RYR3: variants seen among roughly 807,000 people sequenced by gnomAD.
RYR3 encodes brain ryanodine receptor-calcium release channel.
A neutral mutation model predicts 584.3 loss-of-function variants in RYR3; 207 were observed. That is an observed-to-expected ratio of 0.35 (90% CI 0.32 to 0.40). The LOEUF (loss-of-function observed/expected upper bound fraction) is 0.40. Among genes scored for constraint, RYR3 ranks in the 10% least tolerant of loss-of-function variants. RYR3 has a pLI of 1.00. For missense variants in RYR3, 5,616 were observed against 6,089.2 expected, an observed-to-expected ratio of 0.92 and a Z score of 2.59; for synonymous variants, 2,416 against 2,248.5, an observed-to-expected ratio of 1.07 and a Z score of -2.11.
intron 10 of RYR3, among the ~76,000 whole-genome samples, chr15:33,557,554 T>TAG: frequency 6.6e-6 from 1 of 152,248 alleles, no homozygotes; most frequent in African/African-American, 2.4e-5. Context: ...CCAGCTAATT[T>TAG]TTGTATTTTT....
chr15:33,862,688 G>A (rs77449798), intron 102 of RYR3, among the ~76,000 whole-genome samples: 4,796 of 151,946 alleles, frequency 0.032, 209 homozygotes, highest in East Asian at 0.25. Flanking sequence ...TTGGCTCACT[G>A]TAGCCTCCAC....
intron 1 of RYR3, among the ~76,000 whole-genome samples, chr15:33,460,539 C>G (rs1396132932): frequency 6.6e-6 from 1 of 152,186 alleles, no homozygotes; most frequent in African/African-American, 2.4e-5. Flanking sequence ...TCATACAGAA[C>G]TGGATTTACA....
rs879634134 is a variant in RYR3, at chr15:33,333,671, G to A, written c.51+22575G>A. Reference sequence around the variant, plus strand: ...CCCTCTCTCACCACTCCTATTCAGCGTAGTATTGGAAGTTCTGGCCGGGAC... The same window carrying A: ...CCCTCTCTCACCACTCCTATTCAGCATAGTATTGGAAGTTCTGGCCGGGAC... On this transcript the variant is annotated intron_variant, in intron 1 of 103. Coordinates refer to ENST00000634891, the MANE Select transcript of RYR3 (RefSeq NM_001036.6). 5.3e-5 allele frequency among the ~76,000 whole-genome samples: 8 copies of A among 152,210 alleles called. No individual in the cohort carries two copies. In the East Asian group the frequency reaches 9.7e-4, roughly 18 times the overall value.
intron 45 of RYR3, among the ~76,000 whole-genome samples, chr15:33,724,581 G>A (rs1032335269): frequency 1.3e-5 from 2 of 152,142 alleles, no homozygotes; most frequent in Non-Finnish European, 2.9e-5. Flanking sequence ...CTCTTCCTGT[G>A]GTTGGTGTTT....
chr15:33,577,547 G>A (rs111981223), intron 12 of RYR3, among the ~76,000 whole-genome samples: 3 of 152,124 alleles, frequency 2.0e-5, no homozygotes, highest in African/African-American at 7.2e-5. Context: ...AATGATGCTG[G>A]GAGAACTGGC....
chr15:33,536,725 A>G (rs2055360999), intron 5 of RYR3, among the ~76,000 whole-genome samples: 1 of 152,210 alleles, frequency 6.6e-6, no homozygotes, highest in African/African-American at 2.4e-5. Context: ...GTTTAATTGA[A>G]GTAGTACTCA....
At chr15:33,732,198 G>A (rs563134009) in intron 48 of RYR3, among the ~76,000 whole-genome samples, 5 of 151,502 alleles carry the variant, frequency 3.3e-5, no homozygotes, top group Admixed American at 6.6e-5. Context: ...TGGCTAACAC[G>A]GTGAAACCCC....
At chr15:33,717,968 A>G (rs2067625515) in intron 43 of RYR3, among the ~76,000 whole-genome samples, 2 of 152,206 alleles carry the variant, frequency 1.3e-5, no homozygotes, top group Non-Finnish European at 2.9e-5. Context: ...GGAAGGCCCT[A>G]AAAAGAAGAT....
At chr15:33,750,117 G>A (rs774531786) in intron 56 of RYR3, 46 bp from the exon 57 acceptor site, 3 of 1,607,608 alleles carry the variant, frequency 1.9e-6, no homozygotes, top group Non-Finnish European at 2.5e-6. Flanking sequence ...TCTCCCAGAA[G>A]TGCAAAGGAA....
At chr15:33,369,276 C>G (rs947829715) in intron 1 of RYR3, among the ~76,000 whole-genome samples, 2 of 152,186 alleles carry the variant, frequency 1.3e-5, no homozygotes, top group African/African-American at 4.8e-5. Context: ...GTTCTTCTCT[C>G]CTTCAAGCCC....
intron 1 of RYR3, among the ~76,000 whole-genome samples, chr15:33,465,109 T>C (rs2048378391): frequency 6.6e-6 from 1 of 152,222 alleles, no homozygotes; most frequent in Non-Finnish European, 1.5e-5. Flanking sequence ...TCACTGTGTG[T>C]GTGTGCCACA....
At chr15:33,794,133 A>AT (rs2075384849) in intron 67 of RYR3, among the ~76,000 whole-genome samples, 4 of 123,508 alleles carry the variant, frequency 3.2e-5, no homozygotes, top group East Asian at 5.0e-4. Context: ...ATATATTTAT[A>AT]TATAATATAC....
At chr15:33,355,207 A>G (rs1199898186) in intron 1 of RYR3, among the ~76,000 whole-genome samples, 1 of 150,060 alleles carries the variant, frequency 6.7e-6, no homozygotes, top group African/African-American at 2.4e-5. Context: ...AAAATCATGT[A>G]TTAGTTGGCT....
At chr15:33,488,449 CTT>C (rs72098093) in intron 2 of RYR3, among the ~76,000 whole-genome samples, 164 of 127,478 alleles carry the variant, frequency 1.3e-3, no homozygotes, top group African/African-American at 3.7e-3. Flanking sequence ...ACAGTCTTGC[CTT>C]TTTTTTTTTT....
chr15:33,676,053 AG>A (rs1044136070), intron 38 of RYR3, among the ~76,000 whole-genome samples: 5 of 152,194 alleles, frequency 3.3e-5, no homozygotes, highest in Non-Finnish European at 5.9e-5. Flanking sequence ...AAAAAAATGC[AG>A]ATGGAATTAA....
intron 67 of RYR3, among the ~76,000 whole-genome samples, chr15:33,798,096 A>ATTTATTT (rs766852988): frequency 3.4e-4 from 51 of 151,168 alleles, no homozygotes; most frequent in Non-Finnish European, 5.9e-4. Flanking sequence ...TTATTTATTT[A>ATTTATTT]TTTTTTTTGA....
intron 55 of RYR3, 128 bp downstream of exon 55, chr15:33,748,658 G>C: frequency 4.9e-6 from 4 of 810,358 alleles, no homozygotes; most frequent in Non-Finnish European, 8.1e-6. Flanking sequence ...AACTGAAGAC[G>C]GTCACCTTGT....
intron 1 of RYR3, among the ~76,000 whole-genome samples, chr15:33,337,336 T>A (rs1395146648): frequency 6.6e-6 from 1 of 152,118 alleles, no homozygotes; most frequent in African/African-American, 2.4e-5. Context: ...ATGAAAAATG[T>A]ATTACCAAGA....
In RYR3 at chr15:33,746,202, C is replaced by G. The variant is rs944212279; in HGVS notation, c.7989+45C>G. The G allele has an allele frequency of 6.8e-6, 9 of 1,327,220 alleles. No individual in the cohort carries two copies. In the Admixed American group the frequency reaches 9.7e-5, roughly 14 times the overall value. The allele number at this position is 1,327,220 out of a possible 1,614,324, so 82.2% of individuals were successfully genotyped here. A position where few individuals can be genotyped will look rare whatever the true frequency, so the allele number is the denominator to read the frequency against. ...TAACACTGTGTGACCATGCTGTTTCCTTCCTTGAGTGATTTTATCAGAGGA... is the reference window on the plus strand; with the variant it reads ...TAACACTGTGTGACCATGCTGTTTCGTTCCTTGAGTGATTTTATCAGAGGA... On this transcript the variant is annotated intron_variant, in intron 53 of 103. Coordinates refer to ENST00000634891, the MANE Select transcript of RYR3 (RefSeq NM_001036.6).
Sources: gnomAD v4.1 joint callset for allele counts (sites outside exome capture counted in the v4.1 genomes callset) on GRCh38, gnomAD v4.1.1 for gene constraint, MANE v1.5 for transcripts, NCBI Gene and HGNC (gene_info 2026-07-23, HGNC 2026-07-21) for gene names.